OTULINL: variants seen among roughly 807,000 people sequenced by gnomAD.
OTULINL encodes the protein inactive ubiquitin thioesterase OTULINL.
Under a neutral mutation model 43.9 loss-of-function variants are expected in OTULINL, and 42 were observed. The ratio of observed to expected loss-of-function variants is 0.96; its 90% CI spans 0.75 to 1.24. The LOEUF (loss-of-function observed/expected upper bound fraction) is 1.24. Among genes scored for constraint, OTULINL ranks in the 50% most tolerant of loss-of-function variants. The probability of loss-of-function intolerance (pLI) is 0.00; values close to 1 mark genes in which losing one functional copy is unlikely to be tolerated. For synonymous variants in OTULINL, 172 were observed against 153.6 expected (o/e 1.12, Z -0.88); for missense variants, 411 against 426.4 (o/e 0.96, Z 0.32).
Position 14,581,906 on chromosome 5 carries a change from A to G in OTULINL, c.12A>G (p.Thr4=), listed in dbSNP as rs1759005306. The G allele has an allele frequency of 1.4e-6, 2 of 1,413,296 alleles. No homozygotes were observed. The highest frequency in any genetic ancestry group is 1.8e-6 in the Non-Finnish European group (2 of 1,083,360). 87.5% of individuals were successfully genotyped at this position (1,413,296 alleles called of 1,614,324 possible). A position where few individuals can be genotyped will look rare whatever the true frequency, so the allele number is the denominator to read the frequency against. ...GCAGCGCGGCCGGCATGGCGGCGAC[A>G]AGGAGCCCCACGCGGGCAAGGGAGC... MAA[T]RSPTRARERE... The change falls in exon 1 of 8, where the codon ACA becomes ACG. Residue 4 remains threonine, a synonymous_variant. Transcript: ENST00000274217.
rs767217886 is a variant in OTULINL at position 14,602,261 on chromosome 5, T to C, written c.427T>C (p.Ser143Pro). Residue 143 changes from serine to proline, a missense_variant, in exon 5 of 8, where the codon TCA becomes CCA. Transcript: ENST00000274217. ...GAGAGATAACTATGATGCTCTCAGA[T>C]CAGTGTTATTTCAGATATTCAGCCA... ...VRRDNYDALR[S>P]VLFQIFSQGI... 9 of 1,613,710 alleles carry C rather than the reference T, an allele frequency of 5.6e-6. No homozygotes were observed. Among genetic ancestry groups the C allele is most frequent in the Non-Finnish European group, 1.7e-6 (2 of 1,179,778 alleles).
intron 7 of OTULINL, among the ~76,000 whole-genome samples, chr5:14,609,583 T>C (rs1759540912): frequency 6.6e-6 from 1 of 152,248 alleles, no homozygotes; most frequent in Non-Finnish European, 1.5e-5. Context: ...TGTTCTTTTA[T>C]TTTTTCACTA....
intron 1 of OTULINL, among the ~76,000 whole-genome samples, chr5:14,587,727 A>C (rs1759131153): frequency 6.6e-6 from 1 of 152,060 alleles, no homozygotes; most frequent in South Asian, 2.1e-4. Flanking sequence ...TTAAGTATTA[A>C]ATATTTGTTA....
Position 14,615,858 on chromosome 5 carries a change from C to A in OTULINL, c.*5544C>A, listed in dbSNP as rs1759664314. On this transcript the variant is annotated 3_prime_UTR_variant, in exon 8 of 8. Coordinates refer to ENST00000274217, the MANE Select transcript of OTULINL (RefSeq NM_019018.3). ...GTAGTTGCAGTTGAGACCATTCCTC[C>A]TGTATGTCTTTACAAGCAAATTGAA... Among the ~76,000 whole-genome samples, 1 of 152,188 alleles carries A rather than the reference C, an allele frequency of 6.6e-6. No homozygotes were observed. The highest frequency in any genetic ancestry group is 1.5e-5 in the Non-Finnish European group (1 of 68,038).
At chr5:14,588,212 G>A (rs1192676787) in intron 1 of OTULINL, among the ~76,000 whole-genome samples, 1 of 152,142 alleles carries the variant, frequency 6.6e-6, no homozygotes, top group Non-Finnish European at 1.5e-5. Flanking sequence ...TGGCCCCAAC[G>A]TGACTATTCC....
chr5:14,585,559 G>T (rs1206765568), intron 1 of OTULINL, among the ~76,000 whole-genome samples: 1 of 152,152 alleles, frequency 6.6e-6, no homozygotes, highest in Middle Eastern at 3.2e-3. Context: ...GGCCTTGGCT[G>T]GCTCCCTGGC....
chr5:14,601,418 A>G lies in OTULINL; in HGVS notation c.324A>G (p.Thr108=). 6.2e-7 allele frequency: 1 copy of G among 1,614,106 alleles called. No homozygotes were observed. ...SYCAREWKGE[T]PRNKLMRKAY... is the part of the protein sequence containing the mutation. Reference sequence around the variant, plus strand: ...GTGCAAGAGAATGGAAAGGAGAGACACCCCGTAACAAGCTGATGAGGAAGG... The same window carrying G: ...GTGCAAGAGAATGGAAAGGAGAGACGCCCCGTAACAAGCTGATGAGGAAGG... Residue 108 remains threonine (T), a synonymous_variant, in exon 4 of 8, where the codon ACA becomes ACG. Transcript: ENST00000274217.
intron 1 of OTULINL, 130 bp downstream of exon 1, chr5:14,582,088 C>T (rs978777104): frequency 3.1e-6 from 2 of 649,520 alleles, no homozygotes; most frequent in South Asian, 6.8e-5. Flanking sequence ...GGCTGGGAAT[C>T]CTGGAGCCCG....
chr5:14,600,162 C>T (rs1489997804), intron 1 of OTULINL, among the ~76,000 whole-genome samples: 1 of 152,200 alleles, frequency 6.6e-6, no homozygotes, highest in African/African-American at 2.4e-5. Context: ...ATGTTGTTCT[C>T]ATGCTAGTGA....
At chr5:14,600,865 G>C (rs1211171180) in intron 1 of OTULINL, 100 bp from the exon 2 acceptor site, 1 of 1,045,702 alleles carries the variant, frequency 9.6e-7, no homozygotes, top group East Asian at 3.0e-5. Context: ...ATACTTTGCA[G>C]GTAAAATTAT....
intron 1 of OTULINL, among the ~76,000 whole-genome samples, chr5:14,593,443 A>C (rs1281921376): frequency 6.6e-6 from 1 of 152,192 alleles, no homozygotes; most frequent in African/African-American, 2.4e-5. Context: ...AAATGACAGA[A>C]TGAAGACAAG....
chr5:14,600,845 T>A, intron 1 of OTULINL, 120 bp from the exon 2 acceptor site: 1 of 862,944 alleles, frequency 1.2e-6, no homozygotes, highest in Non-Finnish European at 1.6e-6. Flanking sequence ...TTTATGTAAA[T>A]CAGTGATAGA....
chr5:14,600,075 T>C (rs983322945), intron 1 of OTULINL, among the ~76,000 whole-genome samples: 11 of 152,212 alleles, frequency 7.2e-5, no homozygotes, highest in African/African-American at 2.7e-4. Flanking sequence ...ACAAATCTCA[T>C]CTTGAATTAT....
Position 14,611,723 on chromosome 5 carries a change from C to G in OTULINL, c.*1409C>G, listed in dbSNP as rs551560335. On this transcript the variant is annotated 3_prime_UTR_variant, in exon 8 of 8. Coordinates refer to ENST00000274217, the MANE Select transcript of OTULINL (RefSeq NM_019018.3). ...TTTGATAGTTTTTTTTTTGGAGGTA[C>G]TTTGCTAGTCTGTTTTGAGTTTCAG... is the stretch of plus-strand genomic sequence containing the variant. The G allele has an allele frequency of 6.6e-6, 1 of 151,560 alleles. No homozygotes were observed. The highest frequency in any genetic ancestry group is 2.4e-5 in the African/African-American group (1 of 41,206). 9.4% of individuals were successfully genotyped at this position (151,560 alleles called of 1,614,324 possible).
intron 5 of OTULINL, among the ~76,000 whole-genome samples, chr5:14,604,238 A>G (rs1278654584): frequency 6.6e-6 from 1 of 152,166 alleles, no homozygotes; most frequent in Non-Finnish European, 1.5e-5. Flanking sequence ...GGAGACTATG[A>G]TGGGAGGATT....
intron 6 of OTULINL, among the ~76,000 whole-genome samples, 195 bp from the exon 7 acceptor site, chr5:14,608,553 G>C (rs1759518886): frequency 6.6e-6 from 1 of 152,124 alleles, no homozygotes; most frequent in African/African-American, 2.4e-5. Context: ...AGTTGAGGGA[G>C]ACATGTTCAG....
intron 7 of OTULINL, 31 bp downstream of exon 7, chr5:14,609,048 G>T: frequency 1.3e-6 from 2 of 1,588,118 alleles, no homozygotes; most frequent in South Asian, 2.3e-5. Context: ...GCTTGTATTT[G>T]ATTAAGGATG....
intron 1 of OTULINL, among the ~76,000 whole-genome samples, chr5:14,598,917 A>G (rs1759338402): frequency 6.6e-6 from 1 of 152,260 alleles, no homozygotes; most frequent in African/African-American, 2.4e-5. Flanking sequence ...TCACCTGTGT[A>G]AAATTCTAGT....
chr5:14,582,211 C>T (rs978113983), intron 1 of OTULINL, among the ~76,000 whole-genome samples: 20 of 152,046 alleles, frequency 1.3e-4, no homozygotes, highest in Non-Finnish European at 2.9e-5. Context: ...GGCCAAGCTG[C>T]TTAGGTCGCC....
Sources: allele counts gnomAD v4.1 joint callset (sites outside exome capture counted in the v4.1 genomes callset), GRCh38; gene constraint gnomAD v4.1.1; transcripts MANE v1.5; gene names NCBI Gene and HGNC (gene_info 2026-07-23, HGNC 2026-07-21).